The following MEF2A variants were observed in gnomAD, a reference collection of about 807,000 sequenced individuals.
MEF2A encodes the protein myocyte-specific enhancer factor 2A.
In MEF2A, 28 loss-of-function variants were observed where a neutral mutation model predicts 55.8. The observed-to-expected ratio is 0.50, with a 90% CI of 0.37 to 0.69. The LOEUF (loss-of-function observed/expected upper bound fraction) is 0.69, where lower values mean the gene tolerates loss of function less well. Among genes scored for constraint, MEF2A ranks in the 30% least tolerant of loss-of-function variants. The pLI, the probability that MEF2A is intolerant of heterozygous loss-of-function variation, is 0.00. For missense variants in MEF2A, 528 were observed against 626.2 expected (o/e 0.84, Z 1.67); for synonymous variants, 239 against 227.1 (o/e 1.05, Z -0.47).
In MEF2A at chr15:99,671,473, C is replaced by T. The variant is rs1460745420; in HGVS notation, c.390+19C>T. 5.6e-6 allele frequency: 9 copies of T among 1,613,790 alleles called. No individual in the cohort carries two copies. Among genetic ancestry groups the T allele is most frequent in the Non-Finnish European group, 7.6e-6 (9 of 1,179,766 alleles). On this transcript the variant is annotated intron_variant, in intron 5 of 11. Coordinates refer to ENST00000557942, the MANE Select transcript of MEF2A (RefSeq NM_001319206.4). The stretch of plus-strand genomic sequence containing the variant: ...AGGCCCTGTAAGTACTTTTACTTTA[C>T]CTCTACTTTTTATTTGTTGATCCTT...
chr15:99,612,117 T>A (rs921491426), intron 2 of MEF2A, among the ~76,000 whole-genome samples: 4 of 152,152 alleles, frequency 2.6e-5, no homozygotes, highest in Admixed American at 2.6e-4. Context: ...GTGAATACGA[T>A]TTTTAGAAAA....
At chr15:99,687,154 G>C (rs2054438636) in intron 7 of MEF2A, among the ~76,000 whole-genome samples, 1 of 123,894 alleles carries the variant, frequency 8.1e-6, no homozygotes, top group Admixed American at 1.1e-4. Context: ...GTTTTGAACT[G>C]GGCTCAAGCG....
At chr15:99,639,744 T>G (rs1404030857) in intron 3 of MEF2A, among the ~76,000 whole-genome samples, 1 of 152,212 alleles carries the variant, frequency 6.6e-6, no homozygotes. Flanking sequence ...CTGTCTTGTC[T>G]GCCTTTCTTT....
At chr15:99,689,695 G>C (rs557180944) in intron 7 of MEF2A, among the ~76,000 whole-genome samples, 1 of 152,060 alleles carries the variant, frequency 6.6e-6, no homozygotes, top group South Asian at 2.1e-4. Context: ...TGGCCAAGCT[G>C]GTCTCAAACA....
At chr15:99,699,711 C>T (rs987071391) in intron 8 of MEF2A, among the ~76,000 whole-genome samples, 10 of 152,124 alleles carry the variant, frequency 6.6e-5, no homozygotes, top group African/African-American at 1.7e-4. Flanking sequence ...TAGAGACCAA[C>T]GAAATTGTAG....
chr15:99,656,893 G>A lies in MEF2A; in HGVS notation c.258+11129G>A, dbSNP rs562165751. 9.2e-5 allele frequency among the ~76,000 whole-genome samples: 14 copies of A among 152,134 alleles called. No homozygotes were observed. The East Asian group carries it at 2.5e-3, about 27-fold the overall frequency. ...TTCACAAGTTGGTACAACCATGAAC[G>A]CTATCTAATTCTAGAACATTTTCAT... On this transcript the variant is annotated intron_variant, in intron 4 of 11. Coordinates refer to ENST00000557942, the MANE Select transcript of MEF2A (RefSeq NM_001319206.4).
chr15:99,625,079 T>A (rs372704532), intron 2 of MEF2A, among the ~76,000 whole-genome samples: 1 of 152,212 alleles, frequency 6.6e-6, no homozygotes, highest in African/African-American at 2.4e-5. Context: ...TAAGATAGGA[T>A]AGGCTAAGCT....
intron 1 of MEF2A, among the ~76,000 whole-genome samples, chr15:99,572,013 GTTT>G (rs36027608): frequency 4.7e-5 from 6 of 128,364 alleles, no homozygotes; most frequent in Admixed American, 2.3e-4. Context: ...CTCCATAGAA[GTTT>G]TTTTTTTTTT....
At chr15:99,666,581 A>T (rs1474645073) in intron 4 of MEF2A, among the ~76,000 whole-genome samples, 2 of 137,070 alleles carry the variant, frequency 1.5e-5, no homozygotes, top group Non-Finnish European at 3.1e-5. Context: ...CTTAAAGTAT[A>T]ATAATAATAA....
chr15:99,620,769 A>C (rs1360720521), intron 2 of MEF2A: 2 of 152,092 alleles, frequency 1.3e-5, no homozygotes, highest in Admixed American at 6.5e-5. Flanking sequence ...ACTGCTGTGC[A>C]CAGTGGCTAA....
In MEF2A at chr15:99,712,547, C is replaced by CAACCCCCG. The variant is rs2058775416; in HGVS notation, c.1294_1295insAACCCCCG (p.Pro432GlnfsTer28). The stretch of plus-strand genomic sequence containing the variant: ...GCAGCAGCAGCAGCAGCCGCCGCCA[C>CAACCCCCG]CACCGCAGCCCCAGCCACAACCCCC... On this transcript the variant is annotated frameshift_variant, in exon 12 of 12. Transcript: ENST00000557942. LOFTEE classifies it high-confidence loss of function. The surrounding 1 kb of genome is among the most constrained non-coding windows in gnomAD (Gnocchi z 4.1). 1.9e-6 allele frequency: 3 copies of CAACCCCCG among 1,551,230 alleles called. No homozygotes were observed.
At chr15:99,577,217 ATAT>A (rs1442741328) in intron 1 of MEF2A, among the ~76,000 whole-genome samples, 3 of 152,256 alleles carry the variant, frequency 2.0e-5, no homozygotes, top group Non-Finnish European at 4.4e-5. Context: ...AGTGGAAGGA[ATAT>A]TATGCTTCTG....
intron 1 of MEF2A, among the ~76,000 whole-genome samples, chr15:99,592,983 A>G (rs892024932): frequency 1.3e-5 from 2 of 152,220 alleles, no homozygotes; most frequent in Non-Finnish European, 2.9e-5. Context: ...TCCTGAAGTG[A>G]TAATATTATG....
At chr15:99,613,683 G>A (rs1480336345) in intron 2 of MEF2A, among the ~76,000 whole-genome samples, 1 of 152,200 alleles carries the variant, frequency 6.6e-6, no homozygotes. Context: ...CAGAGCAGGA[G>A]GGATTGGGAA....
chr15:99,592,813 A>G (rs1179993397), intron 1 of MEF2A, among the ~76,000 whole-genome samples: 4 of 152,170 alleles, frequency 2.6e-5, no homozygotes. Context: ...CCCATGACCC[A>G]AACACCTCTC....
intron 1 of MEF2A, among the ~76,000 whole-genome samples, chr15:99,577,803 C>CT: frequency 6.6e-6 from 1 of 152,128 alleles, no homozygotes; most frequent in South Asian, 2.1e-4. Flanking sequence ...GATCTTGATG[C>CT]TTTTTTGAAG....
intron 10 of MEF2A, among the ~76,000 whole-genome samples, chr15:99,707,661 C>T (rs930115307): frequency 1.3e-5 from 2 of 152,146 alleles, no homozygotes; most frequent in Admixed American, 1.3e-4. Context: ...CTGAGCCAAA[C>T]ACCTGATGCT....
chr15:99,635,900 G>A (rs927679912), intron 3 of MEF2A, among the ~76,000 whole-genome samples: 4 of 152,040 alleles, frequency 2.6e-5, no homozygotes, highest in South Asian at 4.2e-4. Context: ...GAATATTCTC[G>A]ATAGTATACG....
chr15:99,603,151 T>A (rs1192007789), intron 2 of MEF2A, among the ~76,000 whole-genome samples: 1 of 152,190 alleles, frequency 6.6e-6, no homozygotes, highest in African/African-American at 2.4e-5. Context: ...TGTTGTGTGT[T>A]CATTTACATG....
Sources: allele counts gnomAD v4.1 joint callset (sites outside exome capture counted in the v4.1 genomes callset), GRCh38; gene constraint gnomAD v4.1.1; non-coding constraint Gnocchi (gnomAD v3.1); transcripts MANE v1.5; gene names NCBI Gene and HGNC (gene_info 2026-07-23, HGNC 2026-07-21).